The following FBXW10B variants were observed in gnomAD, a reference collection of about 807,000 sequenced individuals.
FBXW10B encodes F-box and WD repeat domain containing 10B.
the FBXW10B span, among the ~76,000 whole-genome samples, chr17:15,583,861 G>GT: frequency 0.039 from 5,848 of 151,400 alleles, 343 homozygotes; most frequent in African/African-American, 0.13. Context: ...TATTTTAAGG[G>GT]TTTTTTTTAA....
the FBXW10B span, among the ~76,000 whole-genome samples, chr17:15,606,377 A>G: frequency 6.8e-6 from 1 of 146,568 alleles, no homozygotes; most frequent in Non-Finnish European, 1.5e-5. Context: ...AAATTCAGAA[A>G]TTAGCCAGGC....
At chr17:15,579,847 T>C in the FBXW10B span, among the ~76,000 whole-genome samples, 907 of 152,306 alleles carry the variant, frequency 6.0e-3, 13 homozygotes, top group African/African-American at 0.02. Context: ...TCTTAATTTC[T>C]GTAGAAAATT....
the FBXW10B span, among the ~76,000 whole-genome samples, chr17:15,596,156 G>C: frequency 2.6e-5 from 4 of 152,174 alleles, no homozygotes; most frequent in Non-Finnish European, 5.9e-5. Flanking sequence ...AAAGTGCTGG[G>C]ATTACAGGTG....
the FBXW10B span, chr17:15,613,954 T>G: frequency 6.3e-7 from 1 of 1,577,846 alleles, no homozygotes; most frequent in Non-Finnish European, 8.6e-7. Context: ...GATCGTACCC[T>G]GGCTTGGTTA....
chr17:15,582,624 C>T, the FBXW10B span, among the ~76,000 whole-genome samples: 1 of 135,172 alleles, frequency 7.4e-6, no homozygotes, highest in Non-Finnish European at 1.6e-5. Flanking sequence ...CTAGTTACCC[C>T]TTTATTTAAC....
the FBXW10B span, among the ~76,000 whole-genome samples, chr17:15,591,137 A>C: frequency 6.6e-6 from 1 of 152,178 alleles, no homozygotes; most frequent in Non-Finnish European, 1.5e-5. Flanking sequence ...TCCTGAAGAG[A>C]GCCTCAGCAT....
At chr17:15,570,199 A>G in the FBXW10B span, among the ~76,000 whole-genome samples, 2 of 152,320 alleles carry the variant, frequency 1.3e-5, no homozygotes, top group South Asian at 2.1e-4. Flanking sequence ...AAAGATACCA[A>G]AGAAGGAATA....
the FBXW10B span, among the ~76,000 whole-genome samples, chr17:15,593,687 G>A: frequency 2.7e-5 from 4 of 150,112 alleles, no homozygotes; most frequent in South Asian, 2.1e-4. Flanking sequence ...GGAGTGCAAC[G>A]GTGCGATCTT....
chr17:15,587,992 G>A, the FBXW10B span, among the ~76,000 whole-genome samples: 5 of 152,160 alleles, frequency 3.3e-5, no homozygotes, highest in Non-Finnish European at 5.9e-5. Flanking sequence ...ATGCATATAA[G>A]CAGGAACTAG....
chr17:15,596,706 A>G, the FBXW10B span: 26 of 1,585,890 alleles, frequency 1.6e-5, no homozygotes, highest in Non-Finnish European at 2.0e-5. Flanking sequence ...GTGGGGAAAA[A>G]GGGGGAAAAG....
the FBXW10B span, among the ~76,000 whole-genome samples, chr17:15,571,110 C>T: frequency 6.6e-6 from 1 of 152,124 alleles, no homozygotes; most frequent in African/African-American, 2.4e-5. Flanking sequence ...CTTTAGGAGG[C>T]CAAAGCAGGA....
At chr17:15,605,281 G>A in the FBXW10B span, 1 of 1,592,396 alleles carries the variant, frequency 6.3e-7, no homozygotes, top group South Asian at 1.2e-5. Context: ...CACAGGAAGA[G>A]GGCCCGGACA....
chr17:15,619,393 A>G, the FBXW10B span: 2 of 1,613,884 alleles, frequency 1.2e-6, no homozygotes, highest in Non-Finnish European at 1.7e-6. Flanking sequence ...ACTCTTTGGT[A>G]GAGAAGATCT....
chr17:15,612,850 TAAA>T, the FBXW10B span: 1 of 1,598,604 alleles, frequency 6.3e-7, no homozygotes, highest in Admixed American at 1.7e-5. Flanking sequence ...AAACCAAAAA[TAAA>T]AACAGAAAAT....
the FBXW10B span, chr17:15,613,681 C>T: frequency 6.2e-7 from 1 of 1,602,584 alleles, no homozygotes; most frequent in African/African-American, 1.4e-5. Context: ...CCTGTTGAGC[C>T]ATGGCGGCCC....
At chr17:15,595,118 G>C in the FBXW10B span, among the ~76,000 whole-genome samples, 2 of 152,080 alleles carry the variant, frequency 1.3e-5, no homozygotes, top group Admixed American at 1.3e-4. Flanking sequence ...GAGGCGGGCG[G>C]ATCACAAGGT....
At chr17:15,608,028 G>A in the FBXW10B span, among the ~76,000 whole-genome samples, 3 of 151,446 alleles carry the variant, frequency 2.0e-5, no homozygotes. Flanking sequence ...AGTCACAGGT[G>A]CCCTTTGACC....
the FBXW10B span, among the ~76,000 whole-genome samples, chr17:15,575,661 A>G: frequency 1.5e-3 from 228 of 148,942 alleles, 2 homozygotes; most frequent in Middle Eastern, 0.021. Context: ...CTTAGCCCCT[A>G]GGTCCTCCAG....
chr17:15,584,835 T>C, the FBXW10B span, among the ~76,000 whole-genome samples: 1 of 152,206 alleles, frequency 6.6e-6, no homozygotes, highest in Non-Finnish European at 1.5e-5. Flanking sequence ...AAACTAAACT[T>C]ACACATAAAA....
Sources: allele counts gnomAD v4.1 joint callset (sites outside exome capture counted in the v4.1 genomes callset), GRCh38; gene constraint gnomAD v4.1.1; transcripts MANE v1.5; gene names NCBI Gene and HGNC (gene_info 2026-07-23, HGNC 2026-07-21).